The following ZNRF1 variants were observed in gnomAD, a reference collection of about 807,000 sequenced individuals.
The protein encoded by ZNRF1 is E3 ubiquitin-protein ligase ZNRF1.
Under a neutral mutation model 18.4 loss-of-function variants are expected in ZNRF1, and 3 were observed. The observed-to-expected ratio is 0.16, with a 90% CI of 0.07 to 0.42. ZNRF1 has a LOEUF of 0.42. Ranked by LOEUF, ZNRF1 falls within the 10% of genes least tolerant of loss-of-function variation. ZNRF1 has a pLI of 0.99. For missense variants in ZNRF1, 310 were observed against 329.8 expected, an observed-to-expected ratio of 0.94 and a Z score of 0.47; for synonymous variants, 157 against 144.2, an observed-to-expected ratio of 1.09 and a Z score of -0.64.
chr16:75,059,594 C>T (rs1273037867), intron 1 of ZNRF1, among the ~76,000 whole-genome samples: 2 of 151,992 alleles, frequency 1.3e-5, no homozygotes, highest in East Asian at 1.9e-4. Context: ...GCTCAGATCT[C>T]GTAGGAACCG....
intron 1 of ZNRF1, among the ~76,000 whole-genome samples, chr16:75,073,678 T>G (rs1455678467): frequency 1.3e-5 from 2 of 152,168 alleles, no homozygotes; most frequent in Non-Finnish European, 2.9e-5. Flanking sequence ...ACGTGCACAT[T>G]TAATCCATTG....
chr16:75,096,709 T>C (rs112075943), intron 2 of ZNRF1, among the ~76,000 whole-genome samples: 1,671 of 152,306 alleles, frequency 0.011, 40 homozygotes, highest in African/African-American at 0.038. Context: ...ATGATGGTTA[T>C]ATAAGATGAA....
intron 1 of ZNRF1, among the ~76,000 whole-genome samples, chr16:75,002,106 A>T (rs2034858632): frequency 6.6e-6 from 1 of 152,198 alleles, no homozygotes; most frequent in Admixed American, 6.5e-5. Flanking sequence ...TCAGTGTGTC[A>T]CCCCAAAATG....
rs762003760 is a variant in ZNRF1, at chr16:75,104,816, G to A, written c.553G>A (p.Val185Met). The A allele has an allele frequency of 6.2e-7, 1 of 1,610,670 alleles. No homozygotes were observed. The highest frequency in any genetic ancestry group is 1.3e-5 in the African/African-American group (1 of 75,018). Residue 185 changes from valine to methionine, a missense_variant, in exon 3 of 5, where the codon GTG (valine) becomes ATG (methionine). Physicochemically the swap from Val to Met is conservative, Grantham distance 21 (BLOSUM62 1). Around this residue, in one of 2 missense-constraint regions of ZNRF1, gnomAD observed 293 missense variants for 291.2 expected, o/e 1.01. Transcript: ENST00000335325. ...GCTGACTAAAGACGCGGGTGAGTGT[G>A]TGATCTGCCTGGAGGAGCTGCTGCA... ...DVLTKDAGEC[V>M]ICLEELLQGD...
chr16:75,102,128 T>G (rs1182980396), intron 2 of ZNRF1, among the ~76,000 whole-genome samples: 1 of 152,148 alleles, frequency 6.6e-6, no homozygotes, highest in Non-Finnish European at 1.5e-5. Context: ...TTCCTTGGGG[T>G]TCCTGGTGGG....
At chr16:75,104,572 T>C (rs1040432911) in intron 2 of ZNRF1, 2 of 441,918 alleles carry the variant, frequency 4.5e-6, no homozygotes, top group East Asian at 8.1e-5. Context: ...AATCCCATTT[T>C]GTCTTTGGGT....
chr16:75,006,593 G>T (rs1429345864), intron 1 of ZNRF1, among the ~76,000 whole-genome samples: 2 of 152,206 alleles, frequency 1.3e-5, no homozygotes, highest in Admixed American at 6.5e-5. Flanking sequence ...GCACCACCAC[G>T]CCTGACTAGT....
intron 1 of ZNRF1, among the ~76,000 whole-genome samples, chr16:75,016,847 C>G (rs1031768439): frequency 6.6e-6 from 1 of 151,828 alleles, no homozygotes; most frequent in African/African-American, 2.4e-5. Context: ...GGCCGGCCTA[C>G]TGTTTTATTT....
chr16:75,090,301 T>A (rs1405600453), intron 1 of ZNRF1, among the ~76,000 whole-genome samples: 1 of 152,216 alleles, frequency 6.6e-6, no homozygotes, highest in South Asian at 2.1e-4. Flanking sequence ...CTGGTGTGTT[T>A]AGATCCAGCT....
intron 1 of ZNRF1, among the ~76,000 whole-genome samples, chr16:75,069,067 T>C (rs1206640803): frequency 2.6e-5 from 4 of 152,234 alleles, no homozygotes; most frequent in East Asian, 1.9e-4. Flanking sequence ...CTGCTGCTCT[T>C]TAGCCAAAGG....
chr16:75,034,062 C>T (rs2035344302), intron 1 of ZNRF1, among the ~76,000 whole-genome samples: 1 of 151,918 alleles, frequency 6.6e-6, no homozygotes, highest in Non-Finnish European at 1.5e-5. Flanking sequence ...GGAGGCTGAG[C>T]CAGGAGAATT....
At chr16:75,082,533 G>A (rs1267283476) in intron 1 of ZNRF1, among the ~76,000 whole-genome samples, 1 of 152,150 alleles carries the variant, frequency 6.6e-6, no homozygotes, top group African/African-American at 2.4e-5. Context: ...TCTTCACTTA[G>A]GCTCTTCTGG....
chr16:75,081,050 G>A (rs545680743), intron 1 of ZNRF1, among the ~76,000 whole-genome samples: 11 of 152,076 alleles, frequency 7.2e-5, no homozygotes, highest in African/African-American at 1.9e-4. Context: ...GTGCGCGCCT[G>A]TAGTTCCAGC....
At chr16:75,050,643 C>T (rs376024515) in intron 1 of ZNRF1, among the ~76,000 whole-genome samples, 39 of 150,548 alleles carry the variant, frequency 2.6e-4, no homozygotes, top group East Asian at 1.4e-3. Context: ...CCAAGGCGGG[C>T]GGATCACGAG....
At chr16:75,059,997 T>C (rs2035721669) in intron 1 of ZNRF1, among the ~76,000 whole-genome samples, 1 of 152,166 alleles carries the variant, frequency 6.6e-6, no homozygotes, top group South Asian at 2.1e-4. Flanking sequence ...CTTCTCTCAG[T>C]TGTAGAAACC....
At chr16:75,037,895 T>G (rs576461570) in intron 1 of ZNRF1, among the ~76,000 whole-genome samples, 2 of 152,166 alleles carry the variant, frequency 1.3e-5, no homozygotes, top group Non-Finnish European at 2.9e-5. Flanking sequence ...CAACAAAACC[T>G]TTTGCTGACA....
At position 74,999,984 on chromosome 16, in the gene ZNRF1, G is replaced by C; in HGVS notation, c.313G>C (p.Glu105Gln). The C allele has an allele frequency of 6.3e-7, 1 of 1,584,704 alleles. No homozygotes were observed. Among genetic ancestry groups the C allele is most frequent in the Non-Finnish European group, 8.6e-7 (1 of 1,166,474 alleles). Residue 105 changes from glutamate (E) to glutamine (Q), a missense_variant, in exon 1 of 5, where the codon GAG becomes CAG. Glu to Gln is a conservative substitution (Grantham distance 29). Coordinates refer to ENST00000335325, the MANE Select transcript of ZNRF1 (RefSeq NM_032268.5). ...STYAHGNGYQ[E>Q]TGGGHHRDGM... ...CTATGCCCATGGCAATGGTTACCAGGAGACGGGCGGCGGTCACCATAGAGA... is the reference window on the plus strand; with the variant it reads ...CTATGCCCATGGCAATGGTTACCAGCAGACGGGCGGCGGTCACCATAGAGA...
At position 75,046,930 on chromosome 16, in the gene ZNRF1, C is replaced by T. The variant is rs868110941; in HGVS notation, c.425-46642C>T. ...AGAAAAATAATATAGTGATCATCTA[C>T]GTGTTAGCACCAAAATGAAATGTTT... On this transcript the variant is annotated intron_variant, in intron 1 of 4. Transcript: ENST00000335325. 1.3e-4 allele frequency: 20 copies of T among 153,700 alleles called. No homozygotes were observed. The Middle Eastern group carries it at 2.5e-3, about 19-fold the overall frequency. The allele number at this position is 153,700 out of a possible 1,614,324, so 9.5% of individuals were successfully genotyped here. A position where few individuals can be genotyped will look rare whatever the true frequency, so the allele number is the denominator to read the frequency against.
chr16:75,075,403 T>C (rs2035927154), intron 1 of ZNRF1, among the ~76,000 whole-genome samples: 1 of 152,226 alleles, frequency 6.6e-6, no homozygotes. Flanking sequence ...ATGACCGCAG[T>C]GGGTTCCTAA....
Sources: allele counts gnomAD v4.1 joint callset (sites outside exome capture counted in the v4.1 genomes callset), GRCh38; gene constraint gnomAD v4.1.1; regional missense constraint gnomAD v4.1.1; transcripts MANE v1.5; gene names NCBI Gene and HGNC (gene_info 2026-07-23, HGNC 2026-07-21).